The following KCNK12 variants were observed in gnomAD, a reference collection of about 807,000 sequenced individuals.
KCNK12 encodes potassium channel subfamily K member 12.
KCNK12 carries 6 observed loss-of-function variants against 25.3 expected under a neutral mutation model. The ratio of observed to expected loss-of-function variants is 0.24; its 90% CI spans 0.13 to 0.47. The LOEUF (loss-of-function observed/expected upper bound fraction) is 0.47, where lower values mean the gene tolerates loss of function less well. KCNK12 is among the 20% of genes least tolerant of loss of function. The pLI is 0.99. For missense variants in KCNK12, 444 were observed against 661.7 expected (o/e 0.67, Z 3.61); for synonymous variants, 331 against 311.1 (o/e 1.06, Z -0.67).
intron 1 of KCNK12, among the ~76,000 whole-genome samples, chr2:47,535,901 G>A (rs929278478): frequency 1.3e-5 from 2 of 152,166 alleles, no homozygotes; most frequent in African/African-American, 4.8e-5. Context: ...GGAAGCTGAG[G>A]TTCAGAGACG....
At position 47,520,989 on chromosome 2, in the gene KCNK12, G is replaced by A; in HGVS notation, c.1211C>T (p.Thr404Met). 3 of 1,352,660 alleles carry A rather than the reference G, an allele frequency of 2.2e-6. No homozygotes were observed. Among genetic ancestry groups the A allele is most frequent in the South Asian group, 1.8e-5 (1 of 56,048 alleles). The allele number at this position is 1,352,660 out of a possible 1,614,324, so 83.8% of individuals were successfully genotyped here. A position where few individuals can be genotyped will look rare whatever the true frequency, so the allele number is the denominator to read the frequency against. The part of the protein sequence containing the change: ...NGYPRSVCVN[T>M]RQNGFSGGVG... ...GCCGCCCGAGAAGCCGTTCTGGCGC[G>A]TGTTGACGCACACGCTGCGCGGGTA... Residue 404 changes from threonine (T) to methionine (M), a missense_variant, in exon 2 of 2, where the codon ACG (threonine) becomes ATG (methionine). By Grantham distance (81) the Thr-to-Met change is moderately conservative. Coordinates refer to ENST00000327876, the MANE Select transcript of KCNK12 (RefSeq NM_022055.2). This position sits in a 1 kb window ranked among gnomAD's most constrained non-coding sequence, Gnocchi z 5.0.
intron 1 of KCNK12, among the ~76,000 whole-genome samples, chr2:47,524,037 G>A (rs775400057): frequency 2.6e-5 from 4 of 152,192 alleles, no homozygotes; most frequent in Non-Finnish European, 5.9e-5. Context: ...CCAGTTGCCC[G>A]AGTGTGGTGT....
Position 47,518,946 on chromosome 2 carries a change from T to C in KCNK12, c.*1961A>G, listed in dbSNP as rs1668585382. 2 of 152,260 alleles carry C rather than the reference T, an allele frequency of 1.3e-5. No homozygotes were observed. Among genetic ancestry groups the C allele is most frequent in the African/African-American group, 2.4e-5 (1 of 41,470 alleles). The allele number at this position is 152,260 out of a possible 1,614,324, so 9.4% of individuals were successfully genotyped here. ...AGAGGGCCCTGCCCTAGAGAACACG[T>C]GCGCCCCTGCGTGGGCAATCCCTTC... On this transcript the variant is annotated 3_prime_UTR_variant, in exon 2 of 2. Transcript: ENST00000327876. The surrounding 1 kb of genome is among the most constrained non-coding windows in gnomAD (Gnocchi z 4.1).
chr2:47,564,952 G>C (rs1336311450), intron 1 of KCNK12: 1 of 152,002 alleles, frequency 6.6e-6, no homozygotes, highest in African/African-American at 2.4e-5. Flanking sequence ...AGGATTGCTT[G>C]AGCCCGGGAG....
rs1668756890 is a variant in KCNK12, at chr2:47,525,795, G to T, written c.392-3987C>A. On this transcript the variant is annotated intron_variant, in intron 1 of 1. Coordinates refer to ENST00000327876, the MANE Select transcript of KCNK12 (RefSeq NM_022055.2). The surrounding 1 kb of genome is among the most constrained non-coding windows in gnomAD (Gnocchi z 4.1). ...AGGGCAGTGCCCACTCAGGGAATGGGGCAGGGAGTGGTCCCTGTGCAGGGC... is the reference window on the plus strand; with the variant it reads ...AGGGCAGTGCCCACTCAGGGAATGGTGCAGGGAGTGGTCCCTGTGCAGGGC... 6.6e-6 allele frequency among the ~76,000 whole-genome samples: 1 copy of T among 152,170 alleles called. No individual in the cohort carries two copies. Among genetic ancestry groups the T allele is most frequent in the Admixed American group, 6.5e-5 (1 of 15,284 alleles).
At chr2:47,530,546 C>T (rs910222706) in intron 1 of KCNK12, among the ~76,000 whole-genome samples, 2 of 152,100 alleles carry the variant, frequency 1.3e-5, no homozygotes, top group African/African-American at 4.8e-5. Context: ...TGTTGTGTAT[C>T]GAGCCTCACT....
At chr2:47,526,330 C>A (rs1348051016) in intron 1 of KCNK12, among the ~76,000 whole-genome samples, 1 of 150,168 alleles carries the variant, frequency 6.7e-6, no homozygotes. Context: ...GCCGTGAACC[C>A]AGGAGGCGGA....
chr2:47,559,373 G>A (rs1215836566), intron 1 of KCNK12, among the ~76,000 whole-genome samples: 5 of 152,202 alleles, frequency 3.3e-5, no homozygotes, highest in African/African-American at 1.2e-4. Flanking sequence ...TTCTGGAAAC[G>A]TGGTCTGGGC....
intron 1 of KCNK12, among the ~76,000 whole-genome samples, chr2:47,558,886 C>T (rs1033866551): frequency 5.9e-5 from 9 of 152,128 alleles, no homozygotes; most frequent in African/African-American, 1.2e-4. Context: ...ATTAAACTTC[C>T]GTCAAATGTG....
At position 47,515,979 on chromosome 2, in the gene KCNK12, A is replaced by G. The variant is rs1668515313; in HGVS notation, c.*4928T>C. 1.3e-5 allele frequency among the ~76,000 whole-genome samples: 2 copies of G among 152,128 alleles called. No homozygotes were observed. Among genetic ancestry groups the G allele is most frequent in the Non-Finnish European group, 2.9e-5 (2 of 68,034 alleles). On this transcript the variant is annotated 3_prime_UTR_variant, in exon 2 of 2. Transcript: ENST00000327876. ...ATCTTGCAATTGTGGAGGACTTTAC[A>G]CTTTTCGGAGTTCCTAGCCCCTCAC...
chr2:47,565,109 G>GTAAGC lies in KCNK12; in HGVS notation c.391+4827_391+4831dup, dbSNP rs940659237. 19 of 152,096 alleles carry GTAAGC rather than the reference G, an allele frequency of 1.2e-4. No homozygotes were observed. Among genetic ancestry groups the GTAAGC allele is most frequent in the African/African-American group, 4.3e-4 (18 of 41,400 alleles). The allele number at this position is 152,096 out of a possible 1,614,324, so 9.4% of individuals were successfully genotyped here. On this transcript the variant is annotated intron_variant, in intron 1 of 1. Coordinates refer to ENST00000327876, the MANE Select transcript of KCNK12 (RefSeq NM_022055.2). The surrounding 1 kb of genome is among the most constrained non-coding windows in gnomAD (Gnocchi z 5.0). ...TTGTGCCCAGGAGGTTGAGGCTATG[G>GTAAGC]TAAGCTGTGTTTGCACCACTGTACT...
At chr2:47,546,970 GGT>G (rs1669328337) in intron 1 of KCNK12, among the ~76,000 whole-genome samples, 1 of 152,104 alleles carries the variant, frequency 6.6e-6, no homozygotes, top group African/African-American at 2.4e-5. Context: ...GAGAGACTTG[GGT>G]GTGGGAAAGG....
At chr2:47,530,501 C>G (rs1479086982) in intron 1 of KCNK12, among the ~76,000 whole-genome samples, 1 of 152,276 alleles carries the variant, frequency 6.6e-6, no homozygotes, top group East Asian at 1.9e-4. Flanking sequence ...GAAGTCACTA[C>G]TGAGGACTGA....
At position 47,512,293 on chromosome 2, in the gene KCNK12, T is replaced by G. The variant is rs758761600; in HGVS notation, c.*8614A>C. Reference sequence around the variant, plus strand: ...TCCTACATTTTCTCCTCTCTTCTCCTTCCTTTCAGAACCTCAGAGTGACAG... The same window carrying G: ...TCCTACATTTTCTCCTCTCTTCTCCGTCCTTTCAGAACCTCAGAGTGACAG... On this transcript the variant is annotated 3_prime_UTR_variant, in exon 2 of 2. Transcript: ENST00000327876. The G allele has an allele frequency of 1.2e-6, 2 of 1,612,080 alleles. No homozygotes were observed. Among genetic ancestry groups the G allele is most frequent in the African/African-American group, 2.7e-5 (2 of 74,902 alleles).
rs1034101744 is a variant in KCNK12 at position 47,528,878 on chromosome 2, C to T, written c.392-7070G>A. Among the ~76,000 whole-genome samples the T allele has an allele frequency of 1.3e-5, 2 of 152,060 alleles. No homozygotes were observed. Among genetic ancestry groups the T allele is most frequent in the African/African-American group, 4.8e-5 (2 of 41,386 alleles). The stretch of plus-strand genomic sequence containing the variant: ...CTGATCTGTATCGTGCAGCCCTGGG[C>T]GGCAGCCTCGGTTGGGCCCTTGACA... On this transcript the variant is annotated intron_variant, in intron 1 of 1. Transcript: ENST00000327876. The surrounding 1 kb of genome is among the most constrained non-coding windows in gnomAD (Gnocchi z 4.5).
At chr2:47,553,934 T>C (rs899636722) in intron 1 of KCNK12, among the ~76,000 whole-genome samples, 1 of 152,170 alleles carries the variant, frequency 6.6e-6, no homozygotes, top group Non-Finnish European at 1.5e-5. Context: ...AGAACTCAGC[T>C]CAGGGTTTAG....
At position 47,512,537 on chromosome 2, in the gene KCNK12, G is replaced by A; in HGVS notation, c.*8370C>T. On this transcript the variant is annotated 3_prime_UTR_variant, in exon 2 of 2. Transcript: ENST00000327876. ...AATGGAGCAGGAAGCTCTCAAAAAT[G>A]GACCAGAAAGGGGTCAGGAATATAA... 7.9e-7 allele frequency: 1 copy of A among 1,266,642 alleles called. No individual in the cohort carries two copies. The highest frequency in any genetic ancestry group is 1.1e-6 in the Non-Finnish European group (1 of 927,692). The allele number at this position is 1,266,642 out of a possible 1,614,324, so 78.5% of individuals were successfully genotyped here.
intron 1 of KCNK12, chr2:47,527,578 TCTC>T (rs1450706552): frequency 2.6e-5 from 4 of 152,362 alleles, no homozygotes; most frequent in African/African-American, 9.6e-5. Context: ...GCCAAGGCCA[TCTC>T]CTCCACTCTC....
rs567133110 is a variant in KCNK12, at chr2:47,514,986, G to A, written c.*5921C>T. ...ACTGGCCACAGAAGGGAGAGGAATG[G>A]CAGTCCATCCAGGGATCACTGGAGT... On this transcript the variant is annotated 3_prime_UTR_variant, in exon 2 of 2. Transcript: ENST00000327876. This position sits in a 1 kb window ranked among gnomAD's most constrained non-coding sequence, Gnocchi z 5.0. Among the ~76,000 whole-genome samples the A allele has an allele frequency of 1.3e-4, 20 of 152,256 alleles. No homozygotes were observed. Among genetic ancestry groups the A allele is most frequent in the African/African-American group, 4.8e-4 (20 of 41,552 alleles).
Sources: allele counts gnomAD v4.1 joint callset (sites outside exome capture counted in the v4.1 genomes callset), GRCh38; gene constraint gnomAD v4.1.1; non-coding constraint Gnocchi (gnomAD v3.1); transcripts MANE v1.5; gene names NCBI Gene and HGNC (gene_info 2026-07-23, HGNC 2026-07-21).